Variants in RGPD3 observed in about 807,000 individuals in gnomAD.
The protein encoded by RGPD3 is ranBP2-like and GRIP domain-containing protein 3.
Under a neutral mutation model 154.5 loss-of-function variants are expected in RGPD3, and 62 were observed. The ratio of observed to expected loss-of-function variants is 0.40; its 90% CI spans 0.33 to 0.50. The LOEUF is 0.50. Among genes scored for constraint, RGPD3 ranks in the 20% least tolerant of loss-of-function variants. The pLI, the probability that RGPD3 is intolerant of heterozygous loss-of-function variation, is 0.59. For missense variants in RGPD3, 919 were observed against 1,716.8 expected (o/e 0.54, Z 8.21); for synonymous variants, 308 against 607.0 (o/e 0.51, Z 7.24).
intron 22 of RGPD3, chr2:106,412,809 C>G: frequency 1.7e-6 from 1 of 603,462 alleles, no homozygotes; most frequent in Non-Finnish European, 3.1e-6. Flanking sequence ...AACACCAGAA[C>G]GCAACACCAG....
Position 106,425,351 on chromosome 2 carries a change from T to A in RGPD3, c.2701-85A>T, listed in dbSNP as rs541355662. On this transcript the variant is annotated intron_variant, in intron 19 of 22. Transcript: ENST00000409886. The stretch of plus-strand genomic sequence containing the variant: ...CATACCTTCTTCATTCCTAAACAAT[T>A]TATCAAATGATGTTAACAATAATGA... 7.1e-4 allele frequency: 1,124 copies of A among 1,579,528 alleles called. 26 individuals carry two copies. The South Asian group carries it at 0.012, about 17-fold the overall frequency.
intron 9 of RGPD3, among the ~76,000 whole-genome samples, chr2:106,437,922 G>T (rs1251824058): frequency 2.6e-5 from 4 of 152,194 alleles, no homozygotes; most frequent in Non-Finnish European, 5.9e-5. Flanking sequence ...AGTGGCTCAT[G>T]CCTATAATTC....
At chr2:106,415,824 A>G in intron 21 of RGPD3, 26 bp downstream of exon 21, 1 of 1,611,712 alleles carries the variant, frequency 6.2e-7, no homozygotes, top group South Asian at 1.1e-5. Context: ...GGCAGTTTTT[A>G]TGGTGGCCAG....
chr2:106,464,647 C>T lies in RGPD3; in HGVS notation c.72+3570G>A, dbSNP rs577882196. Among the ~76,000 whole-genome samples, 669 of 151,822 alleles carry T rather than the reference C, an allele frequency of 4.4e-3. 1 individual carries two copies. Among genetic ancestry groups the T allele is most frequent in the African/African-American group, 0.015 (624 of 41,420 alleles). On this transcript the variant is annotated intron_variant, in intron 1 of 22. Coordinates refer to ENST00000409886, the MANE Select transcript of RGPD3 (RefSeq NM_001144013.2). Reference sequence around the variant, plus strand: ...AGGAATCAGCTGCAGAATAAGAAACCGACTTGACAGAACATAGAAAAACTA... The same window carrying T: ...AGGAATCAGCTGCAGAATAAGAAACTGACTTGACAGAACATAGAAAAACTA...
chr2:106,438,524 G>A (rs1371280226), intron 9 of RGPD3, among the ~76,000 whole-genome samples: 1 of 147,832 alleles, frequency 6.8e-6, no homozygotes, highest in Non-Finnish European at 1.5e-5. Context: ...GCTCACACCT[G>A]TAATCCCAGC....
intron 7 of RGPD3, among the ~76,000 whole-genome samples, chr2:106,446,460 C>T (rs1238405328): frequency 6.8e-6 from 1 of 147,988 alleles, no homozygotes; most frequent in Non-Finnish European, 1.5e-5. Flanking sequence ...GTCCCAGCTA[C>T]TCAGGAGGCT....
At chr2:106,441,893 A>AAAAAG (rs1677755908) in intron 7 of RGPD3, among the ~76,000 whole-genome samples, 1 of 143,852 alleles carries the variant, frequency 7.0e-6, no homozygotes, top group Non-Finnish European at 1.5e-5. Context: ...AAAAAAAAAA[A>AAAAAG]AGAGGGGCCA....
At chr2:106,432,164 A>G (rs1677381843) in intron 17 of RGPD3, among the ~76,000 whole-genome samples, 1 of 149,130 alleles carries the variant, frequency 6.7e-6, no homozygotes, top group African/African-American at 2.5e-5. Flanking sequence ...TCAAAAATAT[A>G]GTAAAGGGCT....
At chr2:106,410,720 G>T (rs1421573446) in intron 22 of RGPD3, among the ~76,000 whole-genome samples, 1 of 152,034 alleles carries the variant, frequency 6.6e-6, no homozygotes, top group Admixed American at 6.6e-5. Flanking sequence ...ACTCTTAGGT[G>T]ACTAGAAGTA....
intron 22 of RGPD3, among the ~76,000 whole-genome samples, chr2:106,409,383 T>C (rs1396994985): frequency 1.3e-5 from 2 of 152,170 alleles, no homozygotes; most frequent in South Asian, 2.1e-4. Context: ...GAAATTTTCT[T>C]TTTGCTTGAA....
chr2:106,467,738 G>T (rs1197755597), intron 1 of RGPD3, among the ~76,000 whole-genome samples: 2 of 139,676 alleles, frequency 1.4e-5, no homozygotes, highest in East Asian at 2.1e-4. Flanking sequence ...AACAGAGCGC[G>T]CCAGGGAGCA....
intron 1 of RGPD3, among the ~76,000 whole-genome samples, chr2:106,467,611 GC>G (rs1197061774): frequency 2.5e-4 from 35 of 141,566 alleles, no homozygotes; most frequent in South Asian, 1.4e-3. Context: ...CAAGGCAGCC[GC>G]CGGGCCGGGT....
At chr2:106,467,696 C>T in intron 1 of RGPD3, among the ~76,000 whole-genome samples, 1 of 143,118 alleles carries the variant, frequency 7.0e-6, no homozygotes. Context: ...GCCATCGAGG[C>T]AGCCGCCGGG....
At chr2:106,450,918 G>A (rs1288096138) in intron 6 of RGPD3, among the ~76,000 whole-genome samples, 3 of 126,044 alleles carry the variant, frequency 2.4e-5, no homozygotes, top group African/African-American at 8.8e-5. Flanking sequence ...CCTGAACCCC[G>A]TCTCTACTAA....
chr2:106,459,111 G>A (rs1271848299), intron 2 of RGPD3, among the ~76,000 whole-genome samples, 154 bp downstream of exon 2: 4 of 146,690 alleles, frequency 2.7e-5, no homozygotes, highest in African/African-American at 7.3e-5. Flanking sequence ...ATGGAATCTA[G>A]GCTGGTCCTT....
chr2:106,466,176 C>T (rs1678576066), intron 1 of RGPD3, among the ~76,000 whole-genome samples: 1 of 151,962 alleles, frequency 6.6e-6, no homozygotes, highest in African/African-American at 2.4e-5. Flanking sequence ...GCGTCGGGAA[C>T]AAGCCGGGAG....
intron 22 of RGPD3, among the ~76,000 whole-genome samples, chr2:106,411,312 T>C (rs1676663445): frequency 7.6e-6 from 1 of 132,420 alleles, no homozygotes; most frequent in South Asian, 2.9e-4. Flanking sequence ...GGCCTCCTGA[T>C]GTCTTAGAAA....
At chr2:106,438,200 T>A in intron 9 of RGPD3, among the ~76,000 whole-genome samples, 1 of 151,922 alleles carries the variant, frequency 6.6e-6, no homozygotes, top group East Asian at 1.9e-4. Context: ...AGTGCTGGGA[T>A]TACAGATATG....
At chr2:106,469,350 G>A (rs1158631401), upstream of RGPD3, among the ~76,000 whole-genome samples, 1 of 151,304 alleles carries the variant, frequency 6.6e-6, no homozygotes, top group South Asian at 2.1e-4. Context: ...TTCTAAAAAA[G>A]TTGGAAACCA....
Sources: allele counts gnomAD v4.1 joint callset (sites outside exome capture counted in the v4.1 genomes callset), GRCh38; gene constraint gnomAD v4.1.1; transcripts MANE v1.5; gene names NCBI Gene and HGNC (gene_info 2026-07-23, HGNC 2026-07-21).